EFHC1: variants seen among roughly 807,000 people sequenced by gnomAD.
EFHC1 encodes EF-hand domain containing 1.
EFHC1 carries 53 observed loss-of-function variants against 69.9 expected under a neutral mutation model. That is an observed-to-expected ratio of 0.76 (90% CI 0.61 to 0.95). EFHC1 has a LOEUF of 0.95. EFHC1 is among the 40% of genes least tolerant of loss of function. The pLI is 0.00. For missense variants in EFHC1, 739 were observed against 798.7 expected (o/e 0.93, Z 0.90); for synonymous variants, 256 against 278.4 (o/e 0.92, Z 0.80).
At position 52,424,040 on chromosome 6, in the gene EFHC1, A is replaced by G; in HGVS notation, c.158A>G (p.Gln53Arg). The change falls in exon 2 of 11, where the codon CAG becomes CGG. Residue 53 changes from glutamine to arginine, a missense_variant. Coordinates refer to ENST00000371068, the MANE Select transcript of EFHC1 (RefSeq NM_018100.4). ...PTVGIGGDRL[Q>R]FNQLSQAELD... ...GTTGGGATAGGCGGAGACCGGCTCC[A>G]GTTCAACCAGCTGTCCCAGGCTGAG... is the stretch of plus-strand genomic sequence containing the variant. 6.2e-7 allele frequency: 1 copy of G among 1,614,232 alleles called. No individual in the cohort carries two copies. Among genetic ancestry groups the G allele is most frequent in the Non-Finnish European group, 8.5e-7 (1 of 1,180,046 alleles).
chr6:52,489,805 C>T (rs1273221322), intron 9 of EFHC1, among the ~76,000 whole-genome samples: 1 of 152,148 alleles, frequency 6.6e-6, no homozygotes, highest in Non-Finnish European at 1.5e-5. Flanking sequence ...CATTAATCTG[C>T]AACAGTAGTA....
rs1350620181 is a variant in EFHC1, at chr6:52,493,885, G to A, written c.*1544G>A. 4.4e-6 allele frequency: 2 copies of A among 454,054 alleles called. No homozygotes were observed. The highest frequency in any genetic ancestry group is 8.8e-6 in the Non-Finnish European group (2 of 226,802). 28.1% of individuals were successfully genotyped at this position (454,054 alleles called of 1,614,324 possible). ...TGAGGATAGAGTTACACAGAATTCAGACTGCTTTGCCCTCTCAGAACTTCT... is the reference window on the plus strand; with the variant it reads ...TGAGGATAGAGTTACACAGAATTCAAACTGCTTTGCCCTCTCAGAACTTCT... On this transcript the variant is annotated 3_prime_UTR_variant, in exon 11 of 11. Coordinates refer to ENST00000371068, the MANE Select transcript of EFHC1 (RefSeq NM_018100.4).
chr6:52,463,557 G>A (rs1401936440), intron 5 of EFHC1, among the ~76,000 whole-genome samples: 1 of 152,086 alleles, frequency 6.6e-6, no homozygotes, highest in Non-Finnish European at 1.5e-5. Context: ...AAAGGCCAGT[G>A]AAACCAAAGT....
intron 6 of EFHC1, chr6:52,469,003 A>G: frequency 2.8e-6 from 1 of 355,628 alleles, no homozygotes; most frequent in Non-Finnish European, 5.3e-6. Context: ...TATACAAGAG[A>G]AAATGTGTGC....
intron 5 of EFHC1, among the ~76,000 whole-genome samples, chr6:52,463,949 C>T (rs958871247): frequency 6.6e-6 from 1 of 152,150 alleles, no homozygotes; most frequent in African/African-American, 2.4e-5. Context: ...AACTTTTATG[C>T]CTGTTATAGC....
intron 2 of EFHC1, among the ~76,000 whole-genome samples, chr6:52,425,308 C>A (rs1439517312): frequency 6.6e-6 from 1 of 152,102 alleles, no homozygotes; most frequent in Non-Finnish European, 1.5e-5. Flanking sequence ...GCAAAATCAG[C>A]AGAGAAGGGA....
chr6:52,491,443 G>A (rs1397193764), intron 10 of EFHC1, among the ~76,000 whole-genome samples: 4 of 152,190 alleles, frequency 2.6e-5, no homozygotes, highest in South Asian at 2.1e-4. Context: ...AGACCCTTCC[G>A]TTAGGCTGTG....
At chr6:52,430,638 A>G (rs1366664956) in intron 2 of EFHC1, among the ~76,000 whole-genome samples, 11 of 152,126 alleles carry the variant, frequency 7.2e-5, no homozygotes, top group Non-Finnish European at 2.9e-5. Context: ...TTTAGCATCT[A>G]TGTTCATCAG....
intron 2 of EFHC1, among the ~76,000 whole-genome samples, chr6:52,427,254 T>A (rs1476949648): frequency 6.6e-6 from 1 of 152,168 alleles, no homozygotes; most frequent in Non-Finnish European, 1.5e-5. Flanking sequence ...AAGATCCAAC[T>A]CTACAGGTTC....
chr6:52,444,957 C>G (rs990565985), intron 3 of EFHC1, among the ~76,000 whole-genome samples: 1 of 151,912 alleles, frequency 6.6e-6, no homozygotes, highest in African/African-American at 2.4e-5. Flanking sequence ...ATTATTGCCT[C>G]AATTTCAGAA....
chr6:52,454,529 T>G (rs1387233742), intron 5 of EFHC1, among the ~76,000 whole-genome samples: 1 of 152,174 alleles, frequency 6.6e-6, no homozygotes, highest in South Asian at 2.1e-4. Context: ...GGAGATTTAT[T>G]TAAAGTGCAG....
intron 7 of EFHC1, among the ~76,000 whole-genome samples, chr6:52,475,834 A>G (rs1238733496): frequency 9.9e-5 from 15 of 152,254 alleles, no homozygotes; most frequent in Admixed American, 7.8e-4. Context: ...TGGAGCTTAC[A>G]TTCTAGTTGA....
At chr6:52,458,483 T>C (rs762807248) in intron 5 of EFHC1, among the ~76,000 whole-genome samples, 13 of 152,138 alleles carry the variant, frequency 8.5e-5, no homozygotes, top group Non-Finnish European at 1.3e-4. Flanking sequence ...CATTGAAAAG[T>C]AGGCAAAGGA....
At chr6:52,485,630 G>A (rs1765770309) in intron 9 of EFHC1, 2 of 152,142 alleles carry the variant, frequency 1.3e-5, no homozygotes, top group Admixed American at 1.3e-4. Flanking sequence ...GTTCTCACTT[G>A]TAGTTCCCAT....
intron 2 of EFHC1, among the ~76,000 whole-genome samples, chr6:52,425,616 ATAT>A (rs1197685388): frequency 2.0e-5 from 3 of 152,142 alleles, no homozygotes; most frequent in Non-Finnish European, 2.9e-5. Flanking sequence ...GCACATAAAA[ATAT>A]TATTTTTATT....
Position 52,453,431 on chromosome 6 carries a change from A to G in EFHC1, c.723+594A>G, listed in dbSNP as rs1764963264. Reference sequence around the variant, plus strand: ...TTCCCTTTCTGTACTAAAGGGAGAAAGAAAAGGAAGAGATCACCCTCAGTG... The same window carrying G: ...TTCCCTTTCTGTACTAAAGGGAGAAGGAAAAGGAAGAGATCACCCTCAGTG... On this transcript the variant is annotated intron_variant, in intron 4 of 10. Coordinates refer to ENST00000371068, the MANE Select transcript of EFHC1 (RefSeq NM_018100.4). The G allele has an allele frequency of 2.3e-6, 3 of 1,287,046 alleles. No homozygotes were observed. In the African/African-American group the frequency reaches 4.6e-5, roughly 20 times the overall value. The allele number at this position is 1,287,046 out of a possible 1,614,324, so 79.7% of individuals were successfully genotyped here.
At chr6:52,466,411 T>C (rs907809472) in intron 6 of EFHC1, among the ~76,000 whole-genome samples, 5 of 152,218 alleles carry the variant, frequency 3.3e-5, no homozygotes, top group Admixed American at 2.6e-4. Context: ...TATTCTTACA[T>C]GCAGCTCTTT....
rs767277798 is a variant in EFHC1, at chr6:52,494,177, TA to T, written c.*1838del. The T allele has an allele frequency of 1.3e-4, 58 of 454,014 alleles. No individual in the cohort carries two copies. Among genetic ancestry groups the T allele is most frequent in the Non-Finnish European group, 5.3e-5 (12 of 226,802 alleles). 28.1% of individuals were successfully genotyped at this position (454,014 alleles called of 1,614,324 possible). ...AAATATCACAAGTTGAAAACACATT[TA>T]ATAACCCTGATAAGCCCATTGTAAA... On this transcript the variant is annotated 3_prime_UTR_variant, in exon 11 of 11. Transcript: ENST00000371068.
At chr6:52,458,268 G>GA (rs138415672) in intron 5 of EFHC1, among the ~76,000 whole-genome samples, 2 of 150,616 alleles carry the variant, frequency 1.3e-5, no homozygotes, top group Admixed American at 6.6e-5. Context: ...AGAGCAGGGG[G>GA]AAAAAAAAAG....
Sources: gnomAD v4.1 joint callset for allele counts (sites outside exome capture counted in the v4.1 genomes callset) on GRCh38, gnomAD v4.1.1 for gene constraint, MANE v1.5 for transcripts, NCBI Gene and HGNC (gene_info 2026-07-23, HGNC 2026-07-21) for gene names.